The following ERCC3 variants were observed in gnomAD, a reference collection of about 807,000 sequenced individuals.
The protein encoded by ERCC3 is ERCC excision repair 3, TFIIH core complex helicase subunit.
In ERCC3, 66 loss-of-function variants were observed where a neutral mutation model predicts 94.2. That is an observed-to-expected ratio of 0.70 (90% CI 0.57 to 0.86). The LOEUF (loss-of-function observed/expected upper bound fraction) is 0.86. ERCC3 is among the 40% of genes least tolerant of loss of function. ERCC3 has a pLI of 0.00. For synonymous variants in ERCC3, 349 were observed against 369.1 expected, an observed-to-expected ratio of 0.95 and a Z score of 0.63; for missense variants, 829 against 987.1, an observed-to-expected ratio of 0.84 and a Z score of 2.15.
Position 127,279,739 on chromosome 2 carries a change from G to A in ERCC3, c.1528-364C>T, listed in dbSNP as rs1684848182. On this transcript the variant is annotated intron_variant, in intron 9 of 14. Transcript: ENST00000285398. This position sits in a 1 kb window ranked among gnomAD's most constrained non-coding sequence, Gnocchi z 4.7. ...CACGCCACTGCACTCCAGCCTGGGT[G>A]ACAGAGTGAGACCCTGTTTTAAAAA... Among the ~76,000 whole-genome samples, 1 of 151,818 alleles carries A rather than the reference G, an allele frequency of 6.6e-6. No individual in the cohort carries two copies. Among genetic ancestry groups the A allele is most frequent in the African/African-American group, 2.4e-5 (1 of 41,284 alleles).
At chr2:127,290,334 C>G in intron 3 of ERCC3, 61 bp from the exon 4 acceptor site, 1 of 1,305,870 alleles carries the variant, frequency 7.7e-7, no homozygotes, top group Middle Eastern at 1.9e-4. Context: ...ACATTCATTA[C>G]TGGTCACATC....
rs570388652 is a variant in ERCC3 at position 127,280,007 on chromosome 2, A to G, written c.1527+440T>C. Among the ~76,000 whole-genome samples the G allele has an allele frequency of 7.9e-5, 12 of 152,174 alleles. No individual in the cohort carries two copies. Among genetic ancestry groups the G allele is most frequent in the Non-Finnish European group, 1.5e-4 (10 of 68,032 alleles). ...TAAGCCACACTTCCACACACGAGTC[A>G]GCACTGCTACTGAGTACCGCCACCT... On this transcript the variant is annotated intron_variant, in intron 9 of 14. Coordinates refer to ENST00000285398, the MANE Select transcript of ERCC3 (RefSeq NM_000122.2). This position sits in a 1 kb window ranked among gnomAD's most constrained non-coding sequence, Gnocchi z 6.3.
chr2:127,263,818 C>T (rs1270329722), intron 12 of ERCC3, among the ~76,000 whole-genome samples: 1 of 151,838 alleles, frequency 6.6e-6, no homozygotes, highest in Non-Finnish European at 1.5e-5. Context: ...TGCCATTCTC[C>T]TGCTTCAGCC....
intron 8 of ERCC3, among the ~76,000 whole-genome samples, chr2:127,285,946 A>G (rs1360711512): frequency 6.6e-6 from 1 of 151,916 alleles, no homozygotes; most frequent in Non-Finnish European, 1.5e-5. Flanking sequence ...ACAAGGGGTG[A>G]TTTTATGGTA....
chr2:127,261,243 T>G lies in ERCC3; in HGVS notation c.2049A>C (p.Gln683His). 1 of 1,606,624 alleles carries G rather than the reference T, an allele frequency of 6.2e-7. No homozygotes were observed. Among genetic ancestry groups the G allele is most frequent in the Non-Finnish European group, 8.5e-7 (1 of 1,173,106 alleles). The change falls in exon 13 of 15, where the codon CAA (glutamine) becomes CAC (histidine). Residue 683 changes from glutamine to histidine, a missense_variant. By Grantham distance (24) the Gln-to-His change is conservative. Coordinates refer to ENST00000285398, the MANE Select transcript of ERCC3 (RefSeq NM_000122.2). ...GGATATGTACCTTGAAGCTATAACC[T>G]TGATCTACCAAGAATCTCTGCCGCT... ...STKRQRFLVD[Q>H]GYSFKVITKL...
At chr2:127,290,656 T>G in intron 3 of ERCC3, 1 of 313,996 alleles carries the variant, frequency 3.2e-6, no homozygotes, top group Non-Finnish European at 6.2e-6. Context: ...ATGCAAAGCC[T>G]CTTCACCAAT....
chr2:127,279,379 T>A lies in ERCC3; in HGVS notation c.1528-4A>T. ...CAGGAGACATAGGGCACCAGACCTG[T>A]AATACAGTAAGAACCAGGGGTCATT... On this transcript the variant is annotated splice_polypyrimidine_tract_variant and splice_region_variant and intron_variant, in intron 9 of 14. Coordinates refer to ENST00000285398, the MANE Select transcript of ERCC3 (RefSeq NM_000122.2). This position sits in a 1 kb window ranked among gnomAD's most constrained non-coding sequence, Gnocchi z 4.7. The A allele has an allele frequency of 6.2e-7, 1 of 1,606,904 alleles. No individual in the cohort carries two copies. Among genetic ancestry groups the A allele is most frequent in the Non-Finnish European group, 8.5e-7 (1 of 1,173,448 alleles).
In ERCC3 at chr2:127,259,943, T is replaced by C. The variant is rs1016793458; in HGVS notation, c.2065-495A>G. The C allele has an allele frequency of 5.3e-5, 12 of 227,010 alleles. No homozygotes were observed. The highest frequency in any genetic ancestry group is 9.7e-5 in the Non-Finnish European group (11 of 113,256). 14.1% of individuals were successfully genotyped at this position (227,010 alleles called of 1,614,324 possible). ...TCAGGAAGATTATTTATAGAGCTTC[T>C]CTGAGAGAGTAAGAACAGCATGGTG... On this transcript the variant is annotated intron_variant, in intron 13 of 14. Transcript: ENST00000285398. The surrounding 1 kb of genome is among the most constrained non-coding windows in gnomAD (Gnocchi z 4.9).
At chr2:127,288,401 C>T (rs970910516) in intron 7 of ERCC3, among the ~76,000 whole-genome samples, 1 of 152,194 alleles carries the variant, frequency 6.6e-6, no homozygotes, top group Non-Finnish European at 1.5e-5. Context: ...CATCTGCTTA[C>T]CATCTGTCTC....
At chr2:127,293,479 T>C (rs1478389320) in intron 2 of ERCC3, 34 bp downstream of exon 2, 1 of 1,597,394 alleles carries the variant, frequency 6.3e-7, no homozygotes, top group East Asian at 2.2e-5. Flanking sequence ...CTCCGCACAC[T>C]CCTGGGCCCT....
rs1685212157 is a variant in ERCC3 at position 127,289,985 on chromosome 2, T to C, written c.522-161A>G. The C allele has an allele frequency of 3.3e-6, 3 of 915,830 alleles. No homozygotes were observed. In the Admixed American group the frequency reaches 6.4e-5, roughly 20 times the overall value. The allele number at this position is 915,830 out of a possible 1,614,324, so 56.7% of individuals were successfully genotyped here. ...GAGCTGCCGGCCATGATTTAACATATGAGGGTTGTGACTTTGAGGTCAAGT... is the reference window on the plus strand; with the variant it reads ...GAGCTGCCGGCCATGATTTAACATACGAGGGTTGTGACTTTGAGGTCAAGT... On this transcript the variant is annotated intron_variant, in intron 4 of 14. Transcript: ENST00000285398.
At chr2:127,267,503 G>A (rs1257220542) in intron 12 of ERCC3, among the ~76,000 whole-genome samples, 1 of 150,746 alleles carries the variant, frequency 6.6e-6, no homozygotes, top group Non-Finnish European at 1.5e-5. Context: ...CCTGTTACAT[G>A]TGAGAGAGGT....
intron 10 of ERCC3, among the ~76,000 whole-genome samples, chr2:127,275,413 T>C (rs1684705303): frequency 6.6e-6 from 1 of 151,526 alleles, no homozygotes; most frequent in African/African-American, 2.4e-5. Flanking sequence ...AAAAAAAAGG[T>C]AAAAAGTACA....
In ERCC3 at chr2:127,284,485, C is replaced by T. The variant is rs550145862; in HGVS notation, c.1342+2218G>A. On this transcript the variant is annotated intron_variant, in intron 8 of 14. Transcript: ENST00000285398. This position sits in a 1 kb window ranked among gnomAD's most constrained non-coding sequence, Gnocchi z 4.1. ...CCCTGGGCTTCCATCAGAAAGACCT[C>T]CAATCCCTCCCTGGCCAGCTGTGAA... Among the ~76,000 whole-genome samples the T allele has an allele frequency of 6.6e-6, 1 of 152,302 alleles. No individual in the cohort carries two copies. The highest frequency in any genetic ancestry group is 2.1e-4 in the South Asian group (1 of 4,826).
chr2:127,264,996 C>A lies in ERCC3; in HGVS notation c.1946-3650G>T, dbSNP rs1032258382. Among the ~76,000 whole-genome samples, 1 of 151,932 alleles carries A rather than the reference C, an allele frequency of 6.6e-6. No homozygotes were observed. The highest frequency in any genetic ancestry group is 2.4e-5 in the African/African-American group (1 of 41,346). Reference sequence around the variant, plus strand: ...CCACGTGGATGGAATTACAGGCACACGCCACCAAGCCCACCTAGTTTTGTA... The same window carrying A: ...CCACGTGGATGGAATTACAGGCACAAGCCACCAAGCCCACCTAGTTTTGTA... On this transcript the variant is annotated intron_variant, in intron 12 of 14. Transcript: ENST00000285398. This position sits in a 1 kb window ranked among gnomAD's most constrained non-coding sequence, Gnocchi z 4.4.
intron 12 of ERCC3, among the ~76,000 whole-genome samples, chr2:127,268,608 A>G (rs756731542): frequency 3.3e-5 from 5 of 152,048 alleles, no homozygotes; most frequent in Non-Finnish European, 7.4e-5. Flanking sequence ...CAGTCCCCCA[A>G]TCTCTTCTGA....
At chr2:127,278,604 T>C (rs1684807685) in intron 10 of ERCC3, among the ~76,000 whole-genome samples, 1 of 152,218 alleles carries the variant, frequency 6.6e-6, no homozygotes, top group Non-Finnish European at 1.5e-5. Flanking sequence ...TTACAGCACC[T>C]GAAGTCCTGT....
intron 12 of ERCC3, chr2:127,261,580 T>C (rs1684191453): frequency 3.8e-6 from 2 of 522,732 alleles, no homozygotes; most frequent in Non-Finnish European, 6.9e-6. Flanking sequence ...AAAGCATATA[T>C]CTGATAAGGG....
rs548229459 is a variant in ERCC3, at chr2:127,274,375, C to T, written c.1731-1414G>A. On this transcript the variant is annotated intron_variant, in intron 10 of 14. Transcript: ENST00000285398. This position sits in a 1 kb window ranked among gnomAD's most constrained non-coding sequence, Gnocchi z 4.0. Reference sequence around the variant, plus strand: ...TCCAGCCAGCCCTGCCAAGATTCCTCAGCATTGTAAAAGACAGGTTTCATG... The same window carrying T: ...TCCAGCCAGCCCTGCCAAGATTCCTTAGCATTGTAAAAGACAGGTTTCATG... Among the ~76,000 whole-genome samples the T allele has an allele frequency of 6.6e-6, 1 of 152,178 alleles. No individual in the cohort carries two copies. Among genetic ancestry groups the T allele is most frequent in the South Asian group, 2.1e-4 (1 of 4,810 alleles).
Sources: allele counts gnomAD v4.1 joint callset (sites outside exome capture counted in the v4.1 genomes callset), GRCh38; gene constraint gnomAD v4.1.1; non-coding constraint Gnocchi (gnomAD v3.1); transcripts MANE v1.5; gene names NCBI Gene and HGNC (gene_info 2026-07-23, HGNC 2026-07-21).